The following KCNAB1 variants were observed in gnomAD, a reference collection of about 807,000 sequenced individuals.
The protein encoded by KCNAB1 is voltage-gated potassium channel subunit beta-1.
In KCNAB1, 35 loss-of-function variants were observed where a neutral mutation model predicts 64.6. That is an observed-to-expected ratio of 0.54 (90% CI 0.41 to 0.72). The LOEUF is 0.72. KCNAB1 is among the 30% of genes least tolerant of loss of function. The pLI, the probability that KCNAB1 is intolerant of heterozygous loss-of-function variation, is 0.00. For missense variants in KCNAB1, 401 were observed against 512.9 expected, an observed-to-expected ratio of 0.78 and a Z score of 2.11; for synonymous variants, 177 against 183.8, an observed-to-expected ratio of 0.96 and a Z score of 0.30.
chr3:156,438,842 C>T (rs1003622643), intron 2 of KCNAB1, among the ~76,000 whole-genome samples: 13 of 152,014 alleles, frequency 8.6e-5, no homozygotes, highest in Non-Finnish European at 1.2e-4. Context: ...GGTGAAACCC[C>T]GTCTCTACTA....
chr3:156,394,168 T>G (rs1713255241), intron 1 of KCNAB1, among the ~76,000 whole-genome samples: 1 of 152,196 alleles, frequency 6.6e-6, no homozygotes, highest in Admixed American at 6.5e-5. Flanking sequence ...AAATGCACAG[T>G]TGTCTTACAG....
At chr3:156,271,948 T>C (rs1304459603) in intron 1 of KCNAB1, among the ~76,000 whole-genome samples, 4 of 152,240 alleles carry the variant, frequency 2.6e-5, no homozygotes, top group African/African-American at 9.6e-5. Context: ...CTGTAGTTCT[T>C]ATAGACTTGT....
chr3:156,414,311 T>C (rs1714900887), intron 1 of KCNAB1, among the ~76,000 whole-genome samples: 1 of 152,184 alleles, frequency 6.6e-6, no homozygotes, highest in South Asian at 2.1e-4. Context: ...TAAATAACAT[T>C]ACATAAAATA....
intron 1 of KCNAB1, among the ~76,000 whole-genome samples, chr3:156,204,761 A>G (rs1714550154): frequency 6.6e-6 from 1 of 152,154 alleles, no homozygotes; most frequent in Non-Finnish European, 1.5e-5. Context: ...GGAACCCAGG[A>G]GCCGGAGGTT....
At chr3:156,278,756 G>A (rs62286216) in intron 1 of KCNAB1, among the ~76,000 whole-genome samples, 4 of 151,812 alleles carry the variant, frequency 2.6e-5, no homozygotes, top group Non-Finnish European at 4.4e-5. Flanking sequence ...ATCAAAACTC[G>A]CAGAGTCGGT....
At chr3:156,337,746 G>C (rs1281595055) in intron 1 of KCNAB1, among the ~76,000 whole-genome samples, 4 of 152,186 alleles carry the variant, frequency 2.6e-5, no homozygotes, top group Admixed American at 2.0e-4. Flanking sequence ...TAGGTAAGTT[G>C]TGACTCAGCC....
chr3:156,301,479 T>C (rs893432171), intron 1 of KCNAB1, among the ~76,000 whole-genome samples: 1 of 152,358 alleles, frequency 6.6e-6, no homozygotes, highest in African/African-American at 2.4e-5. Flanking sequence ...AGCAGCCTGA[T>C]TTCAGAAGGT....
chr3:156,536,024 A>C (rs769031254), intron 13 of KCNAB1, among the ~76,000 whole-genome samples: 19 of 152,170 alleles, frequency 1.2e-4, no homozygotes, highest in Non-Finnish European at 2.5e-4. Flanking sequence ...CTATCACTCC[A>C]GTTCACTTTT....
intron 8 of KCNAB1, among the ~76,000 whole-genome samples, chr3:156,489,564 TCA>T (rs1715489560): frequency 6.6e-6 from 1 of 152,114 alleles, no homozygotes; most frequent in Non-Finnish European, 1.5e-5. Flanking sequence ...AGCCTCTGAC[TCA>T]CAGTTTCCTA....
intron 1 of KCNAB1, among the ~76,000 whole-genome samples, chr3:156,249,988 G>A (rs866396071): frequency 5.9e-5 from 9 of 152,214 alleles, no homozygotes; most frequent in Non-Finnish European, 1.5e-5. Context: ...TGGAGTCAGG[G>A]GAAACTGATT....
chr3:156,185,942 C>T (rs530515194), intron 1 of KCNAB1, among the ~76,000 whole-genome samples: 2 of 152,190 alleles, frequency 1.3e-5, no homozygotes, highest in Admixed American at 6.5e-5. Context: ...ATCCCTGCAA[C>T]TTCTGTACTG....
At chr3:156,173,079 G>T (rs1712114925) in intron 1 of KCNAB1, among the ~76,000 whole-genome samples, 1 of 152,198 alleles carries the variant, frequency 6.6e-6, no homozygotes. Context: ...CTTCTCCTCT[G>T]GAGAGAAAGA....
chr3:156,379,654 T>C (rs763684295), intron 1 of KCNAB1, among the ~76,000 whole-genome samples: 1 of 152,078 alleles, frequency 6.6e-6, no homozygotes, highest in Non-Finnish European at 1.5e-5. Flanking sequence ...GTAGAGCAGG[T>C]CAGGGAGATA....
At chr3:156,290,722 A>G (rs529831395) in intron 1 of KCNAB1, among the ~76,000 whole-genome samples, 1 of 152,174 alleles carries the variant, frequency 6.6e-6, no homozygotes, top group South Asian at 2.1e-4. Context: ...GGTACTATGG[A>G]CCTGCTGCAC....
At chr3:156,322,184 C>A (rs998311045) in intron 1 of KCNAB1, among the ~76,000 whole-genome samples, 5 of 152,206 alleles carry the variant, frequency 3.3e-5, no homozygotes, top group African/African-American at 1.2e-4. Flanking sequence ...ATACTCGTCC[C>A]AGAACAGTTC....
At chr3:156,281,505 T>C (rs1350202041) in intron 1 of KCNAB1, among the ~76,000 whole-genome samples, 1 of 152,012 alleles carries the variant, frequency 6.6e-6, no homozygotes, top group African/African-American at 2.4e-5. Context: ...GGATTCCCTC[T>C]TTTTCTATTG....
intron 1 of KCNAB1, among the ~76,000 whole-genome samples, chr3:156,329,686 A>G (rs1401785938): frequency 6.6e-6 from 1 of 152,154 alleles, no homozygotes; most frequent in Non-Finnish European, 1.5e-5. Context: ...AAGAAGCTGA[A>G]AAAGGAAGCC....
At chr3:156,198,912 G>GCTTTTTTTTTTTTT (rs1714138392) in intron 1 of KCNAB1, among the ~76,000 whole-genome samples, 1 of 38,972 alleles carries the variant, frequency 2.6e-5, no homozygotes, top group African/African-American at 1.3e-4. Context: ...TTTATATTTT[G>GCTTTTTTTTTTTTT]ATTTTTTTTT....
chr3:156,457,390 A>G (rs1712522494), intron 3 of KCNAB1, 63 bp from the exon 4 acceptor site: 1 of 1,610,528 alleles, frequency 6.2e-7, no homozygotes, highest in Admixed American at 1.7e-5. Context: ...TAGAGGACTC[A>G]AAGTTGCTTC....
Sources: gnomAD v4.1 joint callset for allele counts (sites outside exome capture counted in the v4.1 genomes callset) on GRCh38, gnomAD v4.1.1 for gene constraint, MANE v1.5 for transcripts, NCBI Gene and HGNC (gene_info 2026-07-23, HGNC 2026-07-21) for gene names.